Variants in PHKA1 observed in about 807,000 individuals in gnomAD.
PHKA1 encodes the protein phosphorylase b kinase regulatory subunit alpha, skeletal muscle isoform.
A neutral mutation model predicts 110.2 loss-of-function variants in PHKA1; 60 were observed. The ratio of observed to expected loss-of-function variants is 0.54; its 90% CI spans 0.44 to 0.68. The LOEUF (loss-of-function observed/expected upper bound fraction) is 0.68. Ranked by LOEUF, PHKA1 falls within the 30% of genes least tolerant of loss-of-function variation. PHKA1 has a pLI of 0.00. For synonymous variants in PHKA1, 316 were observed against 333.6 expected (o/e 0.95, Z 0.58); for missense variants, 801 against 942.5 (o/e 0.85, Z 1.97).
At chrX:72,701,606 C>T (rs2054205922) in intron 3 of PHKA1, among the ~76,000 whole-genome samples, 1 of 111,211 alleles carries the variant, frequency 9.0e-6, no homozygotes, top group Non-Finnish European at 1.9e-5. Flanking sequence ...GTAACCCCAG[C>T]TCCTCGGGAG....
At chrX:72,633,768 T>C (rs781874749) in intron 16 of PHKA1, among the ~76,000 whole-genome samples, 1 of 112,120 alleles carries the variant, frequency 8.9e-6, no homozygotes, top group Admixed American at 9.4e-5. Context: ...CAAAACCTTT[T>C]GATAGTTTCA....
intron 3 of PHKA1, among the ~76,000 whole-genome samples, chrX:72,703,515 CAA>C (rs782633832): frequency 2.7e-5 from 3 of 109,552 alleles, no homozygotes; most frequent in Non-Finnish European, 5.7e-5. Context: ...TCCATCCCTA[CAA>C]AAAAAAATTT....
At chrX:72,678,146 A>G (rs2053802454) in intron 5 of PHKA1, among the ~76,000 whole-genome samples, 1 of 111,738 alleles carries the variant, frequency 8.9e-6, no homozygotes, top group Non-Finnish European at 1.9e-5. Context: ...TTTCCCCGCC[A>G]TAGCCCTGGA....
At chrX:72,672,140 T>A (rs1390373820) in intron 6 of PHKA1, among the ~76,000 whole-genome samples, 1 of 111,791 alleles carries the variant, frequency 8.9e-6, no homozygotes, top group Admixed American at 9.5e-5. Context: ...CACTTGGACC[T>A]TTTGGAGTAG....
chrX:72,707,001 G>A (rs781882379), intron 2 of PHKA1, among the ~76,000 whole-genome samples: 1 of 111,740 alleles, frequency 8.9e-6, no homozygotes, highest in East Asian at 2.8e-4. Flanking sequence ...ACTGTTTTCT[G>A]ATCCAGGTGT....
intron 7 of PHKA1, among the ~76,000 whole-genome samples, chrX:72,666,819 A>G (rs1556306595): frequency 2.7e-5 from 3 of 112,291 alleles, no homozygotes; most frequent in African/African-American, 9.7e-5. Context: ...AGATGAGTTT[A>G]TATTCAATAG....
chrX:72,597,878 A>C (rs1193690936), intron 28 of PHKA1, among the ~76,000 whole-genome samples: 2 of 111,280 alleles, frequency 1.8e-5, no homozygotes, highest in Non-Finnish European at 3.8e-5. Context: ...TCATAGACCT[A>C]AATAAAACAG....
At chrX:72,639,603 T>A (rs72630057) in intron 14 of PHKA1, among the ~76,000 whole-genome samples, 8,044 of 111,471 alleles carry the variant, frequency 0.072, 847 homozygotes, top group East Asian at 0.67. Context: ...GTCAAAGACA[T>A]GTGCATTACA....
At chrX:72,661,992 T>C (rs1381251294) in intron 8 of PHKA1, among the ~76,000 whole-genome samples, 2 of 111,073 alleles carry the variant, frequency 1.8e-5, no homozygotes, top group Non-Finnish European at 3.8e-5. Flanking sequence ...ATCTCCCCTA[T>C]TGGGATTGGC....
chrX:72,610,965 A>G (rs1339504797), intron 22 of PHKA1, 63 bp downstream of exon 22: 5 of 936,018 alleles, frequency 5.3e-6, no homozygotes, highest in Non-Finnish European at 7.6e-6. Flanking sequence ...AAACAATTAT[A>G]GAAACCAATT....
At chrX:72,640,014 C>T (rs1263097015) in intron 14 of PHKA1, among the ~76,000 whole-genome samples, 2 of 111,697 alleles carry the variant, frequency 1.8e-5, no homozygotes, top group Non-Finnish European at 3.8e-5. Flanking sequence ...ATTTTTACCT[C>T]ATTGGATAAA....
intron 20 of PHKA1, 81 bp downstream of exon 20, chrX:72,619,133 C>A: frequency 1.6e-6 from 1 of 626,768 alleles, no homozygotes; most frequent in Admixed American, 2.5e-5. Flanking sequence ...TAACAAGAAC[C>A]ATAATGACTA....
chrX:72,650,559 G>T, intron 12 of PHKA1, 91 bp from the exon 13 acceptor site: 2 of 693,205 alleles, frequency 2.9e-6, no homozygotes, highest in Non-Finnish European at 4.5e-6. Flanking sequence ...CCATAACCTT[G>T]CACCATAACA....
At chrX:72,622,703 A>T in intron 18 of PHKA1, 1 of 738,391 alleles carries the variant, frequency 1.4e-6, no homozygotes, top group Non-Finnish European at 1.6e-6. Context: ...CTCTAATATT[A>T]TATGAAAAGG....
At chrX:72,584,134 T>C in intron 30 of PHKA1, 115 bp downstream of exon 30, 1 of 622,619 alleles carries the variant, frequency 1.6e-6, no homozygotes, top group Non-Finnish European at 2.6e-6. Context: ...ATGCATTTCA[T>C]GTTCAGTTGA....
intron 2 of PHKA1, chrX:72,707,710 G>A (rs2054311848): frequency 9.1e-6 from 1 of 109,588 alleles, no homozygotes; most frequent in African/African-American, 3.3e-5. Context: ...AACAACTAGC[G>A]AATTTAGATA....
intron 26 of PHKA1, 124 bp downstream of exon 26, chrX:72,602,995 T>C (rs959654671): frequency 9.7e-6 from 5 of 516,457 alleles, no homozygotes; most frequent in Non-Finnish European, 1.7e-5. Flanking sequence ...TTGGTTTCTG[T>C]TTTATATATT....
chrX:72,631,317 A>G (rs1003330041), intron 16 of PHKA1, among the ~76,000 whole-genome samples: 1 of 111,603 alleles, frequency 9.0e-6, no homozygotes, highest in Admixed American at 9.5e-5. Context: ...GATCACTGAC[A>G]CCACACTGGC....
rs1391488391 is a variant in PHKA1 at position 72,640,254 on chromosome X, A to G, written c.1460-3868T>C. Among the ~76,000 whole-genome samples, 5 of 112,037 alleles carry G rather than the reference A, an allele frequency of 4.5e-5. 1 individual carries two copies. The highest frequency in any genetic ancestry group is 5.6e-5 in the Non-Finnish European group (3 of 53,179). ...AATAACAAAATAGCAAAATATTTCAATAACATGTGGAAGAGAAAGTGTCAG... is the reference window on the plus strand; with the variant it reads ...AATAACAAAATAGCAAAATATTTCAGTAACATGTGGAAGAGAAAGTGTCAG... On this transcript the variant is annotated intron_variant, in intron 14 of 31. Transcript: ENST00000373542.
Sources: gnomAD v4.1 joint callset for allele counts (sites outside exome capture counted in the v4.1 genomes callset) on GRCh38, gnomAD v4.1.1 for gene constraint, MANE v1.5 for transcripts, NCBI Gene and HGNC (gene_info 2026-07-23, HGNC 2026-07-21) for gene names.